Variants in STXBP5L observed in about 807,000 individuals in gnomAD.
STXBP5L encodes the protein syntaxin binding protein 5L, also known as syntaxin-binding protein 5-like.
A neutral mutation model predicts 144.5 loss-of-function variants in STXBP5L; 65 were observed. The ratio of observed to expected loss-of-function variants is 0.45; its 90% confidence interval spans 0.37 to 0.55. STXBP5L has a LOEUF of 0.55. STXBP5L is among the 20% of genes least tolerant of loss of function. STXBP5L has a pLI of 0.00. For missense variants in STXBP5L, 1,298 were observed against 1,405.5 expected (o/e 0.92, Z 1.22); for synonymous variants, 505 against 469.6 (o/e 1.08, Z -0.97).
intron 10 of STXBP5L, among the ~76,000 whole-genome samples, chr3:121,214,742 C>G (rs1251211966): frequency 1.3e-5 from 2 of 152,150 alleles, no homozygotes; most frequent in African/African-American, 2.4e-5. Flanking sequence ...GAGCTGAGTT[C>G]AAGTCCTGAA....
intron 3 of STXBP5L, among the ~76,000 whole-genome samples, chr3:121,038,196 T>G (rs536824068): frequency 6.6e-6 from 1 of 152,116 alleles, no homozygotes; most frequent in East Asian, 1.9e-4. Flanking sequence ...GAAATTAATT[T>G]GCTCTTCTTT....
chr3:121,290,084 C>CA (rs1156436177), intron 19 of STXBP5L, among the ~76,000 whole-genome samples: 1 of 151,724 alleles, frequency 6.6e-6, no homozygotes, highest in African/African-American at 2.4e-5. Flanking sequence ...TTGAAACAAA[C>CA]AAAAAATACA....
rs557077695 is a variant in STXBP5L at position 121,231,291 on chromosome 3, C to T, written c.1112-2325C>T. Among the ~76,000 whole-genome samples the T allele has an allele frequency of 2.6e-5, 4 of 152,312 alleles. No homozygotes were observed. In the South Asian group the frequency reaches 8.3e-4, roughly 32 times the overall value. ...CAGCAAGCAGCATAGCTTGTTGTCTCATGTCGCATTGCTTTTGCCCTTCCT... is the reference window on the plus strand; with the variant it reads ...CAGCAAGCAGCATAGCTTGTTGTCTTATGTCGCATTGCTTTTGCCCTTCCT... On this transcript the variant is annotated intron_variant, in intron 11 of 26. Coordinates refer to ENST00000471454, the MANE Select transcript of STXBP5L (RefSeq NM_001308330.2).
intron 20 of STXBP5L, among the ~76,000 whole-genome samples, chr3:121,338,686 AGAAG>A (rs565348805): frequency 2.0e-4 from 31 of 151,722 alleles, no homozygotes; most frequent in South Asian, 6.3e-4. Flanking sequence ...GAGGAAGGAA[AGAAG>A]GAAGGAAGGA....
chr3:121,133,190 C>G (rs761445395), intron 7 of STXBP5L, among the ~76,000 whole-genome samples: 1 of 151,992 alleles, frequency 6.6e-6, no homozygotes, highest in Non-Finnish European at 1.5e-5. Context: ...GACAACATGA[C>G]AAGACCCTGA....
intron 6 of STXBP5L, among the ~76,000 whole-genome samples, chr3:121,115,466 T>C (rs550373634): frequency 2.8e-4 from 42 of 152,304 alleles, no homozygotes; most frequent in African/African-American, 9.4e-4. Context: ...TAAAATATTG[T>C]TCAGGGCTCA....
chr3:121,233,368 A>G (rs2049367490), intron 11 of STXBP5L, among the ~76,000 whole-genome samples: 1 of 152,168 alleles, frequency 6.6e-6, no homozygotes, highest in Non-Finnish European at 1.5e-5. Flanking sequence ...TCATCACTCC[A>G]TGATTATTGA....
chr3:120,998,175 G>T (rs1279424249), intron 3 of STXBP5L, among the ~76,000 whole-genome samples: 1 of 152,106 alleles, frequency 6.6e-6, no homozygotes, highest in South Asian at 2.1e-4. Context: ...ACCACAACAA[G>T]ACAAATGTGC....
In STXBP5L at chr3:121,272,945, A is replaced by G. The variant is rs1476431358; in HGVS notation, c.1959-6860A>G. Among the ~76,000 whole-genome samples the G allele has an allele frequency of 1.3e-5, 2 of 151,944 alleles. 1 individual carries two copies. The highest frequency in any genetic ancestry group is 4.1e-4 in the South Asian group (2 of 4,836). On this transcript the variant is annotated intron_variant, in intron 18 of 26. Transcript: ENST00000471454. ...CATTTTATATTTATATATATTTTAT[A>G]TTGTGAATTTATTAACAAAACAACA...
At position 121,240,521 on chromosome 3, in the gene STXBP5L, T is replaced by C; in HGVS notation, c.1400+14T>C. On this transcript the variant is annotated intron_variant, in intron 14 of 26. Transcript: ENST00000471454. ...TATTATTACTGGGTAAGTAGATGTGTTTTGTGAGTTATTAGTTCATCAACA... is the reference window on the plus strand; with the variant it reads ...TATTATTACTGGGTAAGTAGATGTGCTTTGTGAGTTATTAGTTCATCAACA... 1 of 1,611,978 alleles carries C rather than the reference T, an allele frequency of 6.2e-7. No homozygotes were observed. The highest frequency in any genetic ancestry group is 8.5e-7 in the Non-Finnish European group (1 of 1,178,544).
At chr3:121,037,124 G>T (rs557676400) in intron 3 of STXBP5L, among the ~76,000 whole-genome samples, 3 of 151,732 alleles carry the variant, frequency 2.0e-5, no homozygotes, top group South Asian at 2.1e-4. Flanking sequence ...TAGAGATGGG[G>T]GTCTCACTAT....
intron 20 of STXBP5L, among the ~76,000 whole-genome samples, chr3:121,365,935 T>C (rs1309735405): frequency 6.6e-6 from 1 of 151,960 alleles, no homozygotes; most frequent in Non-Finnish European, 1.5e-5. Context: ...GCTTTCACTG[T>C]ATCTTATATG....
chr3:121,305,944 C>G (rs1381931274), intron 19 of STXBP5L, among the ~76,000 whole-genome samples: 1 of 152,076 alleles, frequency 6.6e-6, no homozygotes, highest in African/African-American at 2.4e-5. Flanking sequence ...GAACACATGT[C>G]AGTAGACAAC....
intron 9 of STXBP5L, chr3:121,158,434 T>A (rs1194293162): frequency 1.3e-5 from 2 of 152,206 alleles, no homozygotes; most frequent in Non-Finnish European, 2.9e-5. Flanking sequence ...GGGTGACCCA[T>A]AGATCACAAG....
rs191994079 is a variant in STXBP5L, at chr3:121,098,211, G to A, written c.471-16714G>A. ...TGACTGCCCTTTTTCAGTAGAAGGG[G>A]ATATGTATTTTGGCTCACAGTACTG... On this transcript the variant is annotated intron_variant, in intron 5 of 26. Coordinates refer to ENST00000471454, the MANE Select transcript of STXBP5L (RefSeq NM_001308330.2). Among the ~76,000 whole-genome samples the A allele has an allele frequency of 9.8e-4, 149 of 152,180 alleles. 1 individual carries two copies. The East Asian group carries it at 0.016, about 16-fold the overall frequency.
intron 3 of STXBP5L, among the ~76,000 whole-genome samples, chr3:121,001,948 C>A (rs1943815490): frequency 6.6e-6 from 1 of 152,172 alleles, no homozygotes; most frequent in Non-Finnish European, 1.5e-5. Flanking sequence ...TTTTTTTATC[C>A]ATTCATCCAT....
chr3:121,182,731 C>T (rs751158393), intron 9 of STXBP5L, among the ~76,000 whole-genome samples: 7 of 152,042 alleles, frequency 4.6e-5, no homozygotes, highest in African/African-American at 9.7e-5. Context: ...AAAAGATACA[C>T]AAAATTGATA....
intron 3 of STXBP5L, among the ~76,000 whole-genome samples, chr3:120,978,766 G>A (rs1012848757): frequency 1.6e-4 from 24 of 152,278 alleles, no homozygotes; most frequent in East Asian, 3.9e-4. Context: ...TCTAACAGAT[G>A]GGACCCTCAG....
At chr3:120,945,805 A>T (rs1487634738) in intron 2 of STXBP5L, among the ~76,000 whole-genome samples, 1 of 151,770 alleles carries the variant, frequency 6.6e-6, no homozygotes, top group Non-Finnish European at 1.5e-5. Context: ...TTTCAAGAGG[A>T]TCTTATATTA....
Sources: allele counts gnomAD v4.1 joint callset (sites outside exome capture counted in the v4.1 genomes callset), GRCh38; gene constraint gnomAD v4.1.1; transcripts MANE v1.5; gene names NCBI Gene and HGNC (gene_info 2026-07-23, HGNC 2026-07-21).